Variants in IQCM observed in about 807,000 individuals in gnomAD.
IQCM encodes the protein IQ motif containing M.
IQCM carries 45 observed loss-of-function variants against 57.6 expected under a neutral mutation model. That is an observed-to-expected ratio of 0.78 (90% confidence interval 0.62 to 1.00). The LOEUF (loss-of-function observed/expected upper bound fraction) is 1.00, where lower values mean the gene tolerates loss of function less well. IQCM is among the 50% of genes least tolerant of loss of function. IQCM has a pLI of 0.00. For missense variants in IQCM, 468 were observed against 511.6 expected, an observed-to-expected ratio of 0.91 and a Z score of 0.82; for synonymous variants, 148 against 158.9, an observed-to-expected ratio of 0.93 and a Z score of 0.51.
chr4:149,542,420 C>T (rs1255313021), intron 12 of IQCM, among the ~76,000 whole-genome samples: 1 of 152,062 alleles, frequency 6.6e-6, no homozygotes, highest in African/African-American at 2.4e-5. Context: ...GTTTTTATAA[C>T]ACTGATTTTT....
At chr4:149,377,278 T>C (rs1043525717) in intron 13 of IQCM, among the ~76,000 whole-genome samples, 2 of 152,222 alleles carry the variant, frequency 1.3e-5, no homozygotes, top group African/African-American at 4.8e-5. Flanking sequence ...ATCTTTGGAA[T>C]TTTCAATTCA....
chr4:149,597,515 C>T (rs1031372470), intron 8 of IQCM, among the ~76,000 whole-genome samples: 4 of 152,042 alleles, frequency 2.6e-5, no homozygotes, highest in East Asian at 1.9e-4. Flanking sequence ...CTCAGCCTCC[C>T]GAGTAGCTGG....
At chr4:149,686,880 A>G (rs930528387) in intron 5 of IQCM, among the ~76,000 whole-genome samples, 1 of 151,650 alleles carries the variant, frequency 6.6e-6, no homozygotes, top group Middle Eastern at 3.4e-3. Context: ...TCTAGTTCCT[A>G]TAAATAGGAA....
At chr4:149,668,019 G>A (rs1256130476) in intron 7 of IQCM, among the ~76,000 whole-genome samples, 1 of 152,106 alleles carries the variant, frequency 6.6e-6, no homozygotes, top group Non-Finnish European at 1.5e-5. Flanking sequence ...TATTATCCAG[G>A]AGAACTTCCC....
chr4:149,353,893 C>T (rs1303278385), intron 13 of IQCM, among the ~76,000 whole-genome samples: 1 of 152,060 alleles, frequency 6.6e-6, no homozygotes, highest in Non-Finnish European at 1.5e-5. Context: ...TACAATTGTA[C>T]CGTATTTGGG....
intron 3 of IQCM, among the ~76,000 whole-genome samples, chr4:149,739,438 C>T (rs1340957816): frequency 6.8e-6 from 1 of 148,064 alleles, no homozygotes; most frequent in East Asian, 2.0e-4. Context: ...CATCATTGGG[C>T]TAAACTTTTC....
chr4:149,700,354 C>T (rs367659915), intron 5 of IQCM, among the ~76,000 whole-genome samples: 42 of 152,086 alleles, frequency 2.8e-4, no homozygotes, highest in African/African-American at 8.9e-4. Flanking sequence ...AGTTCTCACT[C>T]TCTTCTCTGG....
At chr4:149,779,440 G>A (rs1505476) in intron 2 of IQCM, among the ~76,000 whole-genome samples, 22,232 of 152,006 alleles carry the variant, frequency 0.15, 1,658 homozygotes, top group Middle Eastern at 0.18. Flanking sequence ...ACAGAGTAGA[G>A]CACCCAGAAA....
At chr4:149,464,257 C>A (rs1738610791) in intron 12 of IQCM, among the ~76,000 whole-genome samples, 1 of 152,166 alleles carries the variant, frequency 6.6e-6, no homozygotes, top group Non-Finnish European at 1.5e-5. Flanking sequence ...ACTCTTAACG[C>A]TAGCTTAATC....
intron 2 of IQCM, among the ~76,000 whole-genome samples, chr4:149,772,597 A>T (rs1561257634): frequency 6.6e-6 from 1 of 152,230 alleles, no homozygotes. Flanking sequence ...ACTAAAAAAA[A>T]CTACCACTTT....
At chr4:149,551,052 C>T (rs192027196) in intron 11 of IQCM, among the ~76,000 whole-genome samples, 6 of 152,340 alleles carry the variant, frequency 3.9e-5, no homozygotes, top group Admixed American at 3.9e-4. Flanking sequence ...CCTCCAATGG[C>T]TTCCCAATTC....
At chr4:149,722,516 T>C (rs1174056278) in intron 5 of IQCM, among the ~76,000 whole-genome samples, 1 of 152,072 alleles carries the variant, frequency 6.6e-6, no homozygotes, top group Non-Finnish European at 1.5e-5. Flanking sequence ...GGGTATCCAA[T>C]TTTCCTAGCA....
chr4:149,776,571 A>T (rs1157431451), intron 2 of IQCM, among the ~76,000 whole-genome samples: 1 of 152,234 alleles, frequency 6.6e-6, no homozygotes, highest in African/African-American at 2.4e-5. Flanking sequence ...AGATATAGGG[A>T]GAAAACATTT....
At chr4:149,379,992 G>A (rs991548853) in intron 13 of IQCM, among the ~76,000 whole-genome samples, 1 of 152,092 alleles carries the variant, frequency 6.6e-6, no homozygotes, top group Non-Finnish European at 1.5e-5. Context: ...GGTTTTATAA[G>A]GGGAAACCCC....
At chr4:149,709,080 C>T (rs1421190934) in intron 5 of IQCM, among the ~76,000 whole-genome samples, 1 of 152,072 alleles carries the variant, frequency 6.6e-6, no homozygotes, top group Non-Finnish European at 1.5e-5. Flanking sequence ...ACATGTGTCA[C>T]AGTTGTTTCA....
intron 13 of IQCM, among the ~76,000 whole-genome samples, chr4:149,398,086 T>C (rs987771946): frequency 1.3e-5 from 2 of 152,000 alleles, no homozygotes; most frequent in African/African-American, 4.8e-5. Flanking sequence ...GTAAGAAAAA[T>C]AGGCACAATT....
intron 10 of IQCM, among the ~76,000 whole-genome samples, chr4:149,560,136 A>C (rs1749983681): frequency 6.6e-6 from 1 of 152,226 alleles, no homozygotes; most frequent in Non-Finnish European, 1.5e-5. Flanking sequence ...AGGCTTCATG[A>C]ATAGATTCAG....
At chr4:149,417,936 T>C (rs949546239) in intron 13 of IQCM, among the ~76,000 whole-genome samples, 1 of 151,562 alleles carries the variant, frequency 6.6e-6, no homozygotes, top group Non-Finnish European at 1.5e-5. Flanking sequence ...ATCACCTATA[T>C]AGTCTTGAGC....
intron 12 of IQCM, among the ~76,000 whole-genome samples, chr4:149,496,914 T>C (rs1349953074): frequency 6.6e-6 from 1 of 152,096 alleles, no homozygotes; most frequent in Non-Finnish European, 1.5e-5. Context: ...AATGGCAAAA[T>C]AAGACAAGGT....
Sources: gnomAD v4.1 joint callset for allele counts (sites outside exome capture counted in the v4.1 genomes callset) on GRCh38, gnomAD v4.1.1 for gene constraint, MANE v1.5 for transcripts, NCBI Gene and HGNC (gene_info 2026-07-23, HGNC 2026-07-21) for gene names.